Variants in VAV3 observed in about 807,000 individuals in gnomAD.
The protein encoded by VAV3 is vav guanine nucleotide exchange factor 3.
In VAV3, 94 loss-of-function variants were observed where a neutral mutation model predicts 131.2. The observed-to-expected ratio is 0.72, with a 90% CI of 0.61 to 0.85. The LOEUF is 0.85. VAV3 is among the 40% of genes least tolerant of loss of function. The probability of loss-of-function intolerance (pLI) is 0.00; values close to 1 mark genes in which losing one functional copy is unlikely to be tolerated. For synonymous variants in VAV3, 349 were observed against 342.0 expected, an observed-to-expected ratio of 1.02 and a Z score of -0.22; for missense variants, 939 against 1,002.7, an observed-to-expected ratio of 0.94 and a Z score of 0.86.
At chr1:107,732,319 G>C (rs1159013046) in intron 15 of VAV3, among the ~76,000 whole-genome samples, 2 of 152,176 alleles carry the variant, frequency 1.3e-5, no homozygotes, top group East Asian at 3.9e-4. Context: ...GGTGATTTCT[G>C]CATTTACAAC....
intron 15 of VAV3, among the ~76,000 whole-genome samples, chr1:107,743,742 C>T (rs1364838635): frequency 6.6e-6 from 1 of 152,048 alleles, no homozygotes; most frequent in Non-Finnish European, 1.5e-5. Context: ...AAATATAACT[C>T]TAGATTTGAA....
At chr1:107,833,091 C>T (rs79727305) in intron 2 of VAV3, among the ~76,000 whole-genome samples, 2,739 of 152,070 alleles carry the variant, frequency 0.018, 48 homozygotes, top group African/African-American at 0.041. Flanking sequence ...TTAAGCTTAG[C>T]GAGGAAGGCA....
chr1:107,705,122 C>A, intron 15 of VAV3, 61 bp from the exon 16 acceptor site: 1 of 1,256,072 alleles, frequency 8.0e-7, no homozygotes, highest in Non-Finnish European at 1.1e-6. Context: ...GCAATTTAGT[C>A]ATCTAAACCC....
chr1:107,661,500 A>T (rs1338549923), intron 19 of VAV3, among the ~76,000 whole-genome samples: 1 of 152,184 alleles, frequency 6.6e-6, no homozygotes, highest in Non-Finnish European at 1.5e-5. Context: ...TATTTAACAT[A>T]ACTTGTATAT....
intron 1 of VAV3, among the ~76,000 whole-genome samples, chr1:107,908,143 T>C (rs1418607277): frequency 1.3e-5 from 2 of 152,156 alleles, no homozygotes; most frequent in Admixed American, 6.5e-5. Flanking sequence ...CCAGATCCCT[T>C]GTAGGCAGGA....
intron 1 of VAV3, among the ~76,000 whole-genome samples, chr1:107,891,705 G>A (rs1014325039): frequency 5.9e-5 from 9 of 152,008 alleles, no homozygotes; most frequent in African/African-American, 2.2e-4. Context: ...CAGATGTGGT[G>A]GTGTATGCCT....
chr1:107,847,878 C>T (rs865981781), intron 2 of VAV3, among the ~76,000 whole-genome samples: 1 of 152,114 alleles, frequency 6.6e-6, no homozygotes. Context: ...TGAAGCTATT[C>T]CAAATAATAG....
At chr1:107,743,751 A>G (rs1404583423) in intron 15 of VAV3, among the ~76,000 whole-genome samples, 2 of 152,230 alleles carry the variant, frequency 1.3e-5, no homozygotes, top group Non-Finnish European at 2.9e-5. Flanking sequence ...TCTAGATTTG[A>G]AATGTGAGAA....
intron 2 of VAV3, among the ~76,000 whole-genome samples, chr1:107,806,424 AGTC>A (rs1321648079): frequency 1.4e-5 from 2 of 143,878 alleles, no homozygotes; most frequent in East Asian, 4.3e-4. Flanking sequence ...GGATATTGTT[AGTC>A]TTGCTGCTGT....
At chr1:107,725,352 G>T (rs940490412) in intron 15 of VAV3, among the ~76,000 whole-genome samples, 1 of 152,138 alleles carries the variant, frequency 6.6e-6, no homozygotes, top group Non-Finnish European at 1.5e-5. Context: ...CAAGAAGATT[G>T]CTGATCCTGA....
intron 1 of VAV3, among the ~76,000 whole-genome samples, chr1:107,922,104 A>C (rs1672927225): frequency 6.6e-6 from 1 of 152,192 alleles, no homozygotes; most frequent in African/African-American, 2.4e-5. Flanking sequence ...TCAGGAAAAC[A>C]ACCAGTCCCT....
At chr1:107,630,206 A>G (rs567623476) in intron 20 of VAV3, among the ~76,000 whole-genome samples, 36 of 152,288 alleles carry the variant, frequency 2.4e-4, no homozygotes, top group African/African-American at 7.9e-4. Context: ...ATCATTCCTT[A>G]CATCATGGAG....
chr1:107,853,067 CATATT>C (rs1268919694), intron 2 of VAV3, among the ~76,000 whole-genome samples: 1 of 152,102 alleles, frequency 6.6e-6, no homozygotes, highest in East Asian at 1.9e-4. Flanking sequence ...ACTGGTCACT[CATATT>C]AATAAGTGTA....
intron 15 of VAV3, among the ~76,000 whole-genome samples, chr1:107,706,513 G>A (rs538928820): frequency 4.3e-4 from 66 of 152,264 alleles, no homozygotes; most frequent in African/African-American, 1.4e-3. Flanking sequence ...TCCACTGCAC[G>A]CTGAGAATTA....
At chr1:107,657,948 T>C (rs1656699932) in intron 19 of VAV3, among the ~76,000 whole-genome samples, 1 of 152,210 alleles carries the variant, frequency 6.6e-6, no homozygotes, top group Non-Finnish European at 1.5e-5. Context: ...GAAATACGAC[T>C]AGAAAATCTG....
intron 1 of VAV3, among the ~76,000 whole-genome samples, chr1:107,880,830 G>A (rs903898031): frequency 1.3e-5 from 2 of 151,162 alleles, no homozygotes; most frequent in Admixed American, 6.6e-5. Context: ...AAGCACCAAA[G>A]GAAAGCGGAA....
At chr1:107,739,783 G>T (rs1303716829) in intron 15 of VAV3, among the ~76,000 whole-genome samples, 1 of 152,168 alleles carries the variant, frequency 6.6e-6, no homozygotes, top group Non-Finnish European at 1.5e-5. Flanking sequence ...AAATGCCAAA[G>T]CAGGTGACAA....
chr1:107,724,836 G>GGA (rs541759285), intron 15 of VAV3, among the ~76,000 whole-genome samples: 5 of 147,444 alleles, frequency 3.4e-5, no homozygotes, highest in African/African-American at 7.5e-5. Flanking sequence ...GTGGTGGGGG[G>GGA]AAAAAAAAAA....
intron 1 of VAV3, among the ~76,000 whole-genome samples, chr1:107,918,107 A>G (rs74839344): frequency 2.3e-3 from 357 of 152,340 alleles, no homozygotes; most frequent in African/African-American, 7.8e-3. Context: ...TAGCTTTCAG[A>G]CTGGCCAAAA....
Sources: allele counts gnomAD v4.1 joint callset (sites outside exome capture counted in the v4.1 genomes callset), GRCh38; gene constraint gnomAD v4.1.1; transcripts MANE v1.5; gene names NCBI Gene and HGNC (gene_info 2026-07-23, HGNC 2026-07-21).